SETD5: variants seen among roughly 807,000 people sequenced by gnomAD.
SETD5 encodes the protein histone-lysine N-methyltransferase SETD5.
Under a neutral mutation model 153.3 loss-of-function variants are expected in SETD5, and 44 were observed. The observed-to-expected ratio is 0.29, with a 90% CI of 0.23 to 0.37. The LOEUF (loss-of-function observed/expected upper bound fraction) is 0.37, where lower values mean the gene tolerates loss of function less well. Ranked by LOEUF, SETD5 falls within the 10% of genes least tolerant of loss-of-function variation. The pLI is 1.00. For synonymous variants in SETD5, 716 were observed against 645.2 expected, an observed-to-expected ratio of 1.11 and a Z score of -1.66; for missense variants, 1,544 against 1,768.0, an observed-to-expected ratio of 0.87 and a Z score of 2.27.
chr3:9,438,548 T>A (rs551456006), intron 7 of SETD5, among the ~76,000 whole-genome samples: 2 of 152,360 alleles, frequency 1.3e-5, no homozygotes, highest in African/African-American at 4.8e-5. Flanking sequence ...ACTAGTCATT[T>A]TGATTCTTTT....
chr3:9,447,507 G>A (rs1575469560), intron 14 of SETD5, among the ~76,000 whole-genome samples, 179 bp from the exon 15 acceptor site: 2 of 143,766 alleles, frequency 1.4e-5, no homozygotes, highest in East Asian at 3.8e-4. Context: ...TTTGTCGCTA[G>A]CCTCTTTAGC....
At chr3:9,433,806 G>A (rs1456760650) in intron 3 of SETD5, 39 bp from the exon 4 acceptor site, 2 of 1,579,712 alleles carry the variant, frequency 1.3e-6, no homozygotes, top group East Asian at 2.2e-5. Flanking sequence ...GGAAGATTAG[G>A]TGTTATGCTA....
rs774503690 is a variant in SETD5 at position 9,464,532 on chromosome 3, G to C, written c.2584G>C (p.Gly862Arg). Residue 862 changes from glycine to arginine, a missense_variant, in exon 18 of 23, where the codon GGC becomes CGC. Physicochemically the swap from Gly to Arg is moderately radical, Grantham distance 125. Coordinates refer to ENST00000402198, the MANE Select transcript of SETD5 (RefSeq NM_001080517.3). The stretch of plus-strand genomic sequence containing the variant: ...AGTCACACCACCCCCTCCCAATTCA[G>C]GCTCAAAGAGTCCCCAGCTGGCCAC... Reference protein sequence around the residue: ...SPVTPPPPNSGSKSPQLATPG... With the variant: ...SPVTPPPPNSRSKSPQLATPG... 1 of 1,613,722 alleles carries C rather than the reference G, an allele frequency of 6.2e-7. No individual in the cohort carries two copies. The highest frequency in any genetic ancestry group is 1.3e-5 in the African/African-American group (1 of 74,848).
chr3:9,409,964 TTTTG>T (rs1302757994), intron 1 of SETD5, among the ~76,000 whole-genome samples: 1 of 152,174 alleles, frequency 6.6e-6, no homozygotes, highest in East Asian at 1.9e-4. Flanking sequence ...GAAAGTGGCT[TTTTG>T]TTTTGTTTTC....
chr3:9,425,053 TTC>T (rs2038950858), intron 2 of SETD5, among the ~76,000 whole-genome samples: 2 of 145,790 alleles, frequency 1.4e-5, no homozygotes, highest in African/African-American at 2.7e-5. Flanking sequence ...CCGACAATGT[TTC>T]TTTTTTTTTT....
At chr3:9,469,775 G>A (rs757708165) in intron 18 of SETD5, among the ~76,000 whole-genome samples, 2 of 152,184 alleles carry the variant, frequency 1.3e-5, no homozygotes, top group Non-Finnish European at 2.9e-5. Flanking sequence ...CAGCATTTCA[G>A]AATCTGCAGT....
intron 1 of SETD5, among the ~76,000 whole-genome samples, chr3:9,403,324 G>A (rs1207871977): frequency 6.6e-6 from 1 of 152,098 alleles, no homozygotes; most frequent in Non-Finnish European, 1.5e-5. Context: ...ACCCTCCTAG[G>A]TGCAAGTCAC....
intron 19 of SETD5, 48 bp downstream of exon 19, chr3:9,470,977 A>G (rs1358736062): frequency 2.8e-5 from 26 of 940,662 alleles, no homozygotes; most frequent in Non-Finnish European, 4.0e-5. Flanking sequence ...ATGTTAACCA[A>G]GTAGTTTAGT....
At chr3:9,440,156 C>G (rs2125165866) in intron 7 of SETD5, among the ~76,000 whole-genome samples, 1 of 152,198 alleles carries the variant, frequency 6.6e-6, no homozygotes, top group South Asian at 2.1e-4. Flanking sequence ...ATTTTTATGA[C>G]TTTAAAATGG....
At chr3:9,462,480 G>A (rs960452070) in intron 17 of SETD5, among the ~76,000 whole-genome samples, 6 of 151,580 alleles carry the variant, frequency 4.0e-5, no homozygotes, top group Admixed American at 1.3e-4. Flanking sequence ...CCAGCTACTC[G>A]GGAGGCTGAG....
At position 9,473,349 on chromosome 3, in the gene SETD5, C is replaced by T. The variant is rs371680000; in HGVS notation, c.3309C>T (p.Ser1103=). ...KSKSAGAGQG[S]SNSVSDTGAH... Reference sequence around the variant, plus strand: ...AGTCTGCAGGAGCTGGGCAAGGCAGCAGTAACTCCGTTTCCGACACTGGTG... The same window carrying T: ...AGTCTGCAGGAGCTGGGCAAGGCAGTAGTAACTCCGTTTCCGACACTGGTG... The change falls in exon 20 of 23, where the codon AGC becomes AGT. Residue 1103 remains serine (S), a synonymous_variant. Transcript: ENST00000402198. The T allele has an allele frequency of 9.7e-5, 157 of 1,613,822 alleles. No homozygotes were observed. Among genetic ancestry groups the T allele is most frequent in the Non-Finnish European group, 1.3e-4 (150 of 1,179,906 alleles).
At chr3:9,400,598 A>G (rs2125402710) in intron 1 of SETD5, among the ~76,000 whole-genome samples, 1 of 152,316 alleles carries the variant, frequency 6.6e-6, no homozygotes, top group South Asian at 2.1e-4. Flanking sequence ...AATATTTTTA[A>G]TTTGTATATT....
chr3:9,467,766 G>A (rs2044784195), intron 18 of SETD5, among the ~76,000 whole-genome samples: 1 of 152,034 alleles, frequency 6.6e-6, no homozygotes, highest in Non-Finnish European at 1.5e-5. Context: ...TGGGACTGCT[G>A]CCTCACCTGA....
intron 3 of SETD5, chr3:9,431,685 T>G (rs2039983057): frequency 1.0e-6 from 1 of 985,676 alleles, no homozygotes; most frequent in Admixed American, 6.1e-5. Flanking sequence ...CTCCACAATA[T>G]ACATTTTATT....
chr3:9,410,867 T>TA (rs945747516), intron 1 of SETD5, among the ~76,000 whole-genome samples: 10 of 150,676 alleles, frequency 6.6e-5, no homozygotes, highest in Non-Finnish European at 8.8e-5. Flanking sequence ...CTTTCTCCAG[T>TA]AAAAATTCTC....
At chr3:9,438,263 G>T (rs1224887909) in intron 7 of SETD5, among the ~76,000 whole-genome samples, 1 of 152,140 alleles carries the variant, frequency 6.6e-6, no homozygotes, top group African/African-American at 2.4e-5. Context: ...TCTTGCAAGT[G>T]GCCAAGTTTG....
intron 16 of SETD5, among the ~76,000 whole-genome samples, chr3:9,453,175 C>G (rs2042828355): frequency 1.3e-5 from 2 of 151,994 alleles, no homozygotes; most frequent in South Asian, 2.1e-4. Flanking sequence ...AACCAAACTA[C>G]TTGTTGGAGG....
At chr3:9,472,569 T>A (rs1415300440) in intron 19 of SETD5, among the ~76,000 whole-genome samples, 1 of 152,256 alleles carries the variant, frequency 6.6e-6, no homozygotes, top group Non-Finnish European at 1.5e-5. Context: ...CTTTTTACAT[T>A]AATTACATCT....
intron 1 of SETD5, among the ~76,000 whole-genome samples, chr3:9,405,403 G>A (rs56915664): frequency 0.068 from 10,369 of 152,142 alleles, 1,196 homozygotes; most frequent in African/African-American, 0.24. Context: ...CTTAGTGGGG[G>A]TGAAATTAAT....
Sources: allele counts gnomAD v4.1 joint callset (sites outside exome capture counted in the v4.1 genomes callset), GRCh38; gene constraint gnomAD v4.1.1; transcripts MANE v1.5; gene names NCBI Gene and HGNC (gene_info 2026-07-23, HGNC 2026-07-21).